Variants in AGTPBP1 observed in about 807,000 individuals in gnomAD.
The protein encoded by AGTPBP1 is cytosolic carboxypeptidase 1.
In AGTPBP1, 70 loss-of-function variants were observed where a neutral mutation model predicts 143.9. The ratio of observed to expected loss-of-function variants is 0.49; its 90% CI spans 0.40 to 0.59. The LOEUF (loss-of-function observed/expected upper bound fraction) is 0.59. Ranked by LOEUF, AGTPBP1 falls within the 20% of genes least tolerant of loss-of-function variation. AGTPBP1 has a pLI of 0.00. For missense variants in AGTPBP1, 1,229 were observed against 1,464.5 expected (o/e 0.84, Z 2.62); for synonymous variants, 463 against 500.2 (o/e 0.93, Z 0.99).
chr9:85,707,581 G>T (rs1337565586), intron 2 of AGTPBP1, among the ~76,000 whole-genome samples: 1 of 152,024 alleles, frequency 6.6e-6, no homozygotes, highest in Non-Finnish European at 1.5e-5. Context: ...AAAGATAAAA[G>T]AATACTTCAA....
chr9:85,608,067 C>G (rs777863788), intron 17 of AGTPBP1, among the ~76,000 whole-genome samples: 1 of 151,950 alleles, frequency 6.6e-6, no homozygotes, highest in East Asian at 1.9e-4. Flanking sequence ...CACACATGAC[C>G]CAGGCCTTCA....
rs187442216 is a variant in AGTPBP1, at chr9:85,695,933, C to T, written c.33-3120G>A. Among the ~76,000 whole-genome samples the T allele has an allele frequency of 1.3e-3, 197 of 152,132 alleles. 1 individual carries two copies. The highest frequency in any genetic ancestry group is 4.6e-3 in the African/African-American group (189 of 41,492). On this transcript the variant is annotated intron_variant, in intron 2 of 25. Transcript: ENST00000357081. Reference sequence around the variant, plus strand: ...CTCGGCTCACTGAAACCTCCATGTCCCAGGTTCAAGCGATTCTCCTGCCTC... The same window carrying T: ...CTCGGCTCACTGAAACCTCCATGTCTCAGGTTCAAGCGATTCTCCTGCCTC...
At chr9:85,653,622 T>C (rs1284340658) in intron 11 of AGTPBP1, among the ~76,000 whole-genome samples, 2 of 152,138 alleles carry the variant, frequency 1.3e-5, no homozygotes, top group Admixed American at 6.5e-5. Context: ...TAATCCTATG[T>C]TGATGTAGGA....
intron 23 of AGTPBP1, among the ~76,000 whole-genome samples, chr9:85,580,579 T>G (rs1471118283): frequency 6.6e-6 from 1 of 152,170 alleles, no homozygotes; most frequent in Non-Finnish European, 1.5e-5. Flanking sequence ...TATTTATAAT[T>G]ATAGGTATGC....
At chr9:85,585,132 A>G (rs1828522786) in intron 23 of AGTPBP1, among the ~76,000 whole-genome samples, 1 of 152,222 alleles carries the variant, frequency 6.6e-6, no homozygotes, top group Non-Finnish European at 1.5e-5. Context: ...AAGAATGGGT[A>G]TAATAATAGC....
intron 25 of AGTPBP1, among the ~76,000 whole-genome samples, chr9:85,563,540 A>G (rs1826880096): frequency 6.6e-6 from 1 of 152,210 alleles, no homozygotes; most frequent in South Asian, 2.1e-4. Flanking sequence ...GTAAAATGCA[A>G]GACAAGAGAA....
chr9:85,572,069 C>A (rs1827536935), intron 25 of AGTPBP1, among the ~76,000 whole-genome samples: 1 of 118,072 alleles, frequency 8.5e-6, no homozygotes, highest in Admixed American at 1.2e-4. Context: ...TTCTGTCACC[C>A]AGGATGGAGT....
At chr9:85,799,182 A>G in the AGTPBP1 span, among the ~76,000 whole-genome samples, 2 of 152,160 alleles carry the variant, frequency 1.3e-5, no homozygotes, top group Admixed American at 1.3e-4. Context: ...ATGGCTGCAT[A>G]GCATTCCATG....
At chr9:85,732,531 A>C (rs1378109418) in intron 1 of AGTPBP1, among the ~76,000 whole-genome samples, 4 of 152,190 alleles carry the variant, frequency 2.6e-5, no homozygotes, top group Non-Finnish European at 1.5e-5. Context: ...AGCTCCAGCT[A>C]ATATCCCAAT....
chr9:85,781,484 A>G, the AGTPBP1 span: 1 of 1,154,852 alleles, frequency 8.7e-7, no homozygotes, highest in East Asian at 3.0e-5. Context: ...AGATACTTCT[A>G]TTTGTCTCTG....
intron 1 of AGTPBP1, among the ~76,000 whole-genome samples, chr9:85,717,226 G>A (rs995449072): frequency 1.3e-5 from 2 of 152,176 alleles, no homozygotes; most frequent in African/African-American, 2.4e-5. Context: ...TGAACAGGCT[G>A]GGTGCAGTGA....
intron 23 of AGTPBP1, among the ~76,000 whole-genome samples, chr9:85,581,149 G>C (rs904200369): frequency 6.6e-6 from 1 of 152,186 alleles, no homozygotes; most frequent in African/African-American, 2.4e-5. Flanking sequence ...GAAAGAAGAT[G>C]TGCTTTGAAG....
At chr9:85,720,703 T>C (rs2134605571) in intron 1 of AGTPBP1, among the ~76,000 whole-genome samples, 1 of 152,298 alleles carries the variant, frequency 6.6e-6, no homozygotes, top group African/African-American at 2.4e-5. Flanking sequence ...TGCCTTCTGC[T>C]AGCTTTTCAA....
intron 3 of AGTPBP1, among the ~76,000 whole-genome samples, chr9:85,682,146 A>T (rs1285106757): frequency 1.5e-4 from 21 of 140,584 alleles, no homozygotes; most frequent in African/African-American, 5.4e-4. Context: ...CACCCAAATG[A>T]TCCTTTTCCT....
chr9:85,759,849 C>A, the AGTPBP1 span, among the ~76,000 whole-genome samples: 1 of 151,898 alleles, frequency 6.6e-6, no homozygotes, highest in Non-Finnish European at 1.5e-5. Context: ...TTTTTGAGAT[C>A]AACAAAACTG....
intron 5 of AGTPBP1, 88 bp from the exon 6 acceptor site, chr9:85,677,670 T>C (rs893842897): frequency 2.6e-6 from 3 of 1,160,672 alleles, no homozygotes; most frequent in East Asian, 5.5e-5. Flanking sequence ...CATAACTTGT[T>C]AGCATTCAAG....
chr9:85,710,700 A>AACAAC (rs569324761), intron 2 of AGTPBP1, among the ~76,000 whole-genome samples: 335 of 147,916 alleles, frequency 2.3e-3, no homozygotes, highest in African/African-American at 7.1e-3. Context: ...CAACAACAAC[A>AACAAC]AAAAAAACAA....
Position 85,586,752 on chromosome 9 carries a change from T to C in AGTPBP1, c.3033+79A>G, listed in dbSNP as rs553838748. 289 of 1,494,264 alleles carry C rather than the reference T, an allele frequency of 1.9e-4. 1 individual carries two copies. The African/African-American group carries it at 3.4e-3, about 18-fold the overall frequency. 92.6% of individuals were successfully genotyped at this position (1,494,264 alleles called of 1,614,324 possible). On this transcript the variant is annotated intron_variant, in intron 22 of 25. Transcript: ENST00000357081. ...ATAATGCATTAATTTGACCTCATGA[T>C]TATCACACAAGTGCTTGATAATTAA...
the AGTPBP1 span, among the ~76,000 whole-genome samples, chr9:85,802,066 C>T: frequency 1.3e-5 from 2 of 152,088 alleles, no homozygotes; most frequent in South Asian, 2.1e-4. Flanking sequence ...CTCAATTATC[C>T]ATTCTCATAT....
Sources: gnomAD v4.1 joint callset for allele counts (sites outside exome capture counted in the v4.1 genomes callset) on GRCh38, gnomAD v4.1.1 for gene constraint, MANE v1.5 for transcripts, NCBI Gene and HGNC (gene_info 2026-07-23, HGNC 2026-07-21) for gene names.